ARID1B: variants seen among roughly 807,000 people sequenced by gnomAD.
The protein encoded by ARID1B is AT-rich interaction domain 1B.
Under a neutral mutation model 212.3 loss-of-function variants are expected in ARID1B, and 30 were observed. That is an observed-to-expected ratio of 0.14 (90% CI 0.11 to 0.19). The LOEUF (loss-of-function observed/expected upper bound fraction) is 0.19, where lower values mean the gene tolerates loss of function less well. ARID1B is among the 10% of genes least tolerant of loss of function. The pLI, the probability that ARID1B is intolerant of heterozygous loss-of-function variation, is 1.00. For synonymous variants in ARID1B, 1,402 were observed against 1,301.7 expected, an observed-to-expected ratio of 1.08 and a Z score of -1.66; for missense variants, 2,891 against 3,204.0, an observed-to-expected ratio of 0.90 and a Z score of 2.36.
In ARID1B at chr6:157,072,694, C is replaced by G. The variant is rs1170016706; in HGVS notation, c.2248-11968C>G. The G allele has an allele frequency of 2.6e-5, 4 of 152,112 alleles. No homozygotes were observed. The East Asian group carries it at 7.7e-4, about 29-fold the overall frequency. The allele number at this position is 152,112 out of a possible 1,614,324, so 9.4% of individuals were successfully genotyped here. Reference sequence around the variant, plus strand: ...TTTCTTATTTCCTGTTTTAAATTATCTTAATACTATGTGATATTATAAAAC... The same window carrying G: ...TTTCTTATTTCCTGTTTTAAATTATGTTAATACTATGTGATATTATAAAAC... On this transcript the variant is annotated intron_variant, in intron 4 of 19. Coordinates refer to ENST00000636930, the MANE Select transcript of ARID1B (RefSeq NM_001374828.1).
chr6:156,961,859 CAT>C (rs978876320), intron 4 of ARID1B, among the ~76,000 whole-genome samples: 30 of 152,058 alleles, frequency 2.0e-4, no homozygotes, highest in African/African-American at 7.2e-4. Context: ...TCAAAATAAA[CAT>C]AATGTTGGGG....
In ARID1B at chr6:157,094,539, G is replaced by C. The variant is rs556601743; in HGVS notation, c.2491+9634G>C. Among the ~76,000 whole-genome samples, 1 of 152,186 alleles carries C rather than the reference G, an allele frequency of 6.6e-6. No individual in the cohort carries two copies. Among genetic ancestry groups the C allele is most frequent in the African/African-American group, 2.4e-5 (1 of 41,524 alleles). ...TTGGCTAATTTTTATATTTTTAGTA[G>C]AGATGGGGTTTCGCCATGTTGGCCA... On this transcript the variant is annotated intron_variant, in intron 5 of 19. Coordinates refer to ENST00000636930, the MANE Select transcript of ARID1B (RefSeq NM_001374828.1). This position sits in a 1 kb window ranked among gnomAD's most constrained non-coding sequence, Gnocchi z 4.3.
intron 2 of ARID1B, among the ~76,000 whole-genome samples, chr6:156,842,786 A>G (rs1355333006): frequency 6.6e-6 from 1 of 152,216 alleles, no homozygotes; most frequent in African/African-American, 2.4e-5. Context: ...GAATCTTGCC[A>G]AACCCTTTTC....
chr6:157,056,362 A>G (rs529088848), intron 4 of ARID1B, among the ~76,000 whole-genome samples: 1 of 152,346 alleles, frequency 6.6e-6, no homozygotes, highest in East Asian at 1.9e-4. Flanking sequence ...GATATTATGG[A>G]ACATATTTGA....
intron 16 of ARID1B, among the ~76,000 whole-genome samples, chr6:157,196,760 C>T (rs1205510558): frequency 6.6e-6 from 1 of 152,202 alleles, no homozygotes; most frequent in Non-Finnish European, 1.5e-5. Flanking sequence ...GGGCTTTCAG[C>T]ATTCTGGAAA....
At chr6:156,825,059 T>A (rs1409624183) in intron 1 of ARID1B, among the ~76,000 whole-genome samples, 4 of 152,080 alleles carry the variant, frequency 2.6e-5, no homozygotes, top group African/African-American at 9.7e-5. Context: ...GAGACAGGAT[T>A]TCACCGTGTT....
At chr6:157,040,481 G>A (rs1401360699) in intron 4 of ARID1B, among the ~76,000 whole-genome samples, 1 of 152,104 alleles carries the variant, frequency 6.6e-6, no homozygotes, top group Non-Finnish European at 1.5e-5. Context: ...TTATCTTTCT[G>A]TACTTTTTTT....
chr6:156,897,191 A>ACTGCTGCTACTGCTG (rs1788480687), intron 2 of ARID1B, among the ~76,000 whole-genome samples: 1 of 112,038 alleles, frequency 8.9e-6, no homozygotes, highest in Non-Finnish European at 2.0e-5. Flanking sequence ...TGCTGCTGCT[A>ACTGCTGCTACTGCTG]CTGCTGCTGC....
rs2115003073 is a variant in ARID1B at position 156,779,346 on chromosome 6, A to G, written c.1666A>G (p.Met556Val). The part of the protein sequence containing the change: ...AAGGQQAAAG[M>V]GLGKDMGAQY... ...GGGCGGCCAGCAGGCGGCCGCGGGC[A>G]TGGGCTTGGGCAAGGACATGGGCGC... is the stretch of plus-strand genomic sequence containing the variant. Residue 556 changes from methionine to valine, a missense_variant, in exon 1 of 20, where the codon ATG (methionine) becomes GTG (valine). This residue lies in a region of ARID1B where 1,643 missense variants were observed against 1,544.0 expected (regional missense o/e 1.06). Transcript: ENST00000636930. The G allele has an allele frequency of 1.7e-6, 2 of 1,172,016 alleles. No homozygotes were observed. Among genetic ancestry groups the G allele is most frequent in the Non-Finnish European group, 2.1e-6 (2 of 951,752 alleles). The allele number at this position is 1,172,016 out of a possible 1,614,324, so 72.6% of individuals were successfully genotyped here.
At position 156,779,126 on chromosome 6, in the gene ARID1B, G is replaced by A. The variant is rs1208886854; in HGVS notation, c.1446G>A (p.Ala482=). Residue 482 remains alanine, a synonymous_variant, in exon 1 of 20, where the codon GCG becomes GCA. Coordinates refer to ENST00000636930, the MANE Select transcript of ARID1B (RefSeq NM_001374828.1). ...GCAAGGCGGCCGCCGGCTCGGCGGC[G>A]GGGGGCTTCCAGCGCTTCGCCGGCC... ...SLSKAAAGSA[A]GGFQRFAGQN... is the part of the protein sequence containing the mutation. The A allele has an allele frequency of 1.6e-6, 2 of 1,243,606 alleles. No individual in the cohort carries two copies. Among genetic ancestry groups the A allele is most frequent in the African/African-American group, 1.6e-5 (1 of 62,530 alleles). 77.0% of individuals were successfully genotyped at this position (1,243,606 alleles called of 1,614,324 possible).
At position 157,132,895 on chromosome 6, in the gene ARID1B, G is replaced by A. The variant is rs28571949; in HGVS notation, c.2582-133G>A. ...TCCACGCTGAACTGAGATGTCTTTAGCTATTTTTTAGGAGAATCTTATGGT... is the reference window on the plus strand; with the variant it reads ...TCCACGCTGAACTGAGATGTCTTTAACTATTTTTTAGGAGAATCTTATGGT... On this transcript the variant is annotated intron_variant, in intron 6 of 19. Transcript: ENST00000636930. 9.1e-6 allele frequency: 9 copies of A among 984,620 alleles called. No individual in the cohort carries two copies. The East Asian group carries it at 2.5e-4, about 27-fold the overall frequency. The allele number at this position is 984,620 out of a possible 1,614,324, so 61.0% of individuals were successfully genotyped here.
chr6:156,996,240 A>G (rs1778583242), intron 4 of ARID1B, among the ~76,000 whole-genome samples: 1 of 152,198 alleles, frequency 6.6e-6, no homozygotes, highest in Non-Finnish European at 1.5e-5. Flanking sequence ...CAAAAACTGT[A>G]AGGAATGGCT....
intron 2 of ARID1B, among the ~76,000 whole-genome samples, chr6:156,880,639 T>C (rs1344383854): frequency 1.4e-5 from 2 of 147,268 alleles, no homozygotes; most frequent in African/African-American, 5.1e-5. Context: ...CTTGGGAGGC[T>C]GAGGCAAGAG....
chr6:156,837,035 G>A (rs1230523593), intron 2 of ARID1B, among the ~76,000 whole-genome samples: 1 of 152,198 alleles, frequency 6.6e-6, no homozygotes, highest in African/African-American at 2.4e-5. Flanking sequence ...TTGACAAATT[G>A]TATTAAGATA....
At chr6:157,029,952 C>G (rs1013203807) in intron 4 of ARID1B, among the ~76,000 whole-genome samples, 1 of 152,202 alleles carries the variant, frequency 6.6e-6, no homozygotes, top group Non-Finnish European at 1.5e-5. Context: ...TCATGGTGTT[C>G]TTGCCTGGAA....
rs137920926 is a variant in ARID1B at position 156,991,798 on chromosome 6, A to C, written c.2247+56222A>C. The stretch of plus-strand genomic sequence containing the variant: ...TTTTCCCAAACATTTCAGTATTTCA[A>C]AAGTTCTATTGAAATGAGATGCATT... On this transcript the variant is annotated intron_variant, in intron 4 of 19. Coordinates refer to ENST00000636930, the MANE Select transcript of ARID1B (RefSeq NM_001374828.1). 4.4e-3 allele frequency among the ~76,000 whole-genome samples: 672 copies of C among 152,346 alleles called. 8 individuals carry two copies. Among genetic ancestry groups the C allele is most frequent in the African/African-American group, 0.015 (639 of 41,588 alleles).
At position 156,778,053 on chromosome 6, in the gene ARID1B, G is replaced by A. The variant is rs1778769111; in HGVS notation, c.373G>A (p.Ala125Thr). Residue 125 changes from alanine to threonine, a missense_variant, in exon 1 of 20, where the codon GCG (alanine) becomes ACG (threonine). By Grantham distance (58) the Ala-to-Thr change is moderately conservative (BLOSUM62 0). Around this residue, in one of 7 missense-constraint regions of ARID1B, gnomAD observed 1,643 missense variants for 1,544.0 expected, o/e 1.06. Coordinates refer to ENST00000636930, the MANE Select transcript of ARID1B (RefSeq NM_001374828.1). ...GCTGTCCTCCTCCTCCTCCTCCTCC[G>A]CGGCGGCAGCGGCGGCATCCTCTTC... ...AALSSSSSSS[A>T]AAAAASSSSS... The A allele has an allele frequency of 6.5e-7, 1 of 1,533,688 alleles. No individual in the cohort carries two copies. Among genetic ancestry groups the A allele is most frequent in the East Asian group, 2.5e-5 (1 of 40,662 alleles).
At chr6:156,824,256 G>C (rs968552876) in intron 1 of ARID1B, among the ~76,000 whole-genome samples, 8 of 152,190 alleles carry the variant, frequency 5.3e-5, no homozygotes, top group Middle Eastern at 3.2e-3. Flanking sequence ...GAAAATGGTG[G>C]TGTATATATT....
intron 4 of ARID1B, among the ~76,000 whole-genome samples, chr6:157,019,234 G>A (rs963078005): frequency 1.3e-5 from 2 of 152,320 alleles, no homozygotes; most frequent in South Asian, 4.1e-4. Flanking sequence ...TGGTGTCAAG[G>A]AAACCAGTTT....
Sources: allele counts gnomAD v4.1 joint callset (sites outside exome capture counted in the v4.1 genomes callset), GRCh38; gene constraint gnomAD v4.1.1; regional missense constraint gnomAD v4.1.1; non-coding constraint Gnocchi (gnomAD v3.1); transcripts MANE v1.5; gene names NCBI Gene and HGNC (gene_info 2026-07-23, HGNC 2026-07-21).